The following PTGER3 variants were observed in gnomAD, a reference collection of about 807,000 sequenced individuals.
PTGER3 encodes prostaglandin E receptor 3, also known as prostaglandin E2 receptor EP3 subtype.
Under a neutral mutation model 34.7 loss-of-function variants are expected in PTGER3, and 22 were observed. The ratio of observed to expected loss-of-function variants is 0.63; its 90% CI spans 0.45 to 0.91. The LOEUF (loss-of-function observed/expected upper bound fraction) is 0.91, where lower values mean the gene tolerates loss of function less well. Among genes scored for constraint, PTGER3 ranks in the 40% least tolerant of loss-of-function variants. PTGER3 has a pLI of 0.00. For missense variants in PTGER3, 468 were observed against 519.4 expected, an observed-to-expected ratio of 0.90 and a Z score of 0.96; for synonymous variants, 241 against 230.1, an observed-to-expected ratio of 1.05 and a Z score of -0.43.
rs186491484 is a variant in PTGER3, at chr1:70,972,819, G to T, written c.1170-1086C>A. On this transcript the variant is annotated intron_variant, in intron 3 of 3. Transcript: ENST00000306666. ...GTATGTAAAACAAAATTAAAAAACTGCAGGAAAAAAAGAATAGAAAAACAT... is the reference window on the plus strand; with the variant it reads ...GTATGTAAAACAAAATTAAAAAACTTCAGGAAAAAAAGAATAGAAAAACAT... 2.6e-4 allele frequency among the ~76,000 whole-genome samples: 40 copies of T among 151,928 alleles called. 1 individual carries two copies. In the East Asian group the frequency reaches 7.3e-3, roughly 28 times the overall value.
chr1:71,015,260 C>T (rs1176725641), intron 1 of PTGER3, among the ~76,000 whole-genome samples: 1 of 152,048 alleles, frequency 6.6e-6, no homozygotes, highest in Non-Finnish European at 1.5e-5. Flanking sequence ...GACAGATAGA[C>T]AATACTAGCA....
rs1431440623 is a variant in PTGER3, at chr1:70,901,420, A to C, written c.*24-48561T>G. ...GTTGGTAAAAAGAGAGATTATGTCC[A>C]TTAACATACTACCACGAAATTAAGT... On this transcript the variant is annotated intron_variant, in intron 4 of 4. Transcript: ENST00000370931. Among the ~76,000 whole-genome samples, 2 of 152,212 alleles carry C rather than the reference A, an allele frequency of 1.3e-5. 1 individual carries two copies. The highest frequency in any genetic ancestry group is 2.9e-5 in the Non-Finnish European group (2 of 68,038).
chr1:70,957,347 A>C (rs1367994073), intron 2 of PTGER3, among the ~76,000 whole-genome samples: 2 of 152,322 alleles, frequency 1.3e-5, no homozygotes, highest in East Asian at 1.9e-4. Context: ...AACTGCAGGC[A>C]TTCCTACAAC....
intron 4 of PTGER3, among the ~76,000 whole-genome samples, chr1:70,913,087 T>A (rs1199105475): frequency 1.6e-4 from 25 of 152,114 alleles, no homozygotes; most frequent in Non-Finnish European, 7.4e-5. Flanking sequence ...TGAGAGGATT[T>A]CCATCTTAGC....
chr1:71,022,283 G>A (rs1177821775), intron 1 of PTGER3, among the ~76,000 whole-genome samples: 1 of 151,360 alleles, frequency 6.6e-6, no homozygotes, highest in East Asian at 1.9e-4. Flanking sequence ...AGGTCAATGT[G>A]TGCATAATTT....
At chr1:71,039,056 G>A (rs574296967) in intron 1 of PTGER3, among the ~76,000 whole-genome samples, 1 of 152,220 alleles carries the variant, frequency 6.6e-6, no homozygotes, top group Admixed American at 6.5e-5. Context: ...GGCTGTGGGT[G>A]CTAGCAAGAC....
At chr1:70,965,140 G>C (rs1357153372) in intron 2 of PTGER3, among the ~76,000 whole-genome samples, 2 of 152,168 alleles carry the variant, frequency 1.3e-5, no homozygotes, top group Non-Finnish European at 2.9e-5. Context: ...GGTAGGCATT[G>C]CTGTAAATCC....
chr1:70,871,295 C>T (rs1050965147), intron 4 of PTGER3, among the ~76,000 whole-genome samples: 1 of 152,048 alleles, frequency 6.6e-6, no homozygotes, highest in African/African-American at 2.4e-5. Flanking sequence ...TCGCAGCAAC[C>T]AGATCTCATG....
chr1:70,985,537 G>T (rs1654835761), intron 2 of PTGER3, among the ~76,000 whole-genome samples: 1 of 152,134 alleles, frequency 6.6e-6, no homozygotes, highest in African/African-American at 2.4e-5. Context: ...AGGACTACAG[G>T]AGGGCAGTCA....
chr1:70,978,573 T>C (rs1653934482), intron 2 of PTGER3, among the ~76,000 whole-genome samples: 1 of 152,134 alleles, frequency 6.6e-6, no homozygotes, highest in African/African-American at 2.4e-5. Context: ...GATAATAATA[T>C]GTATAATGCA....
rs1438690832 is a variant in PTGER3 at position 70,989,797 on chromosome 1, T to C, written c.1078-15409A>G. Among the ~76,000 whole-genome samples the C allele has an allele frequency of 6.1e-4, 93 of 152,216 alleles. 1 individual carries two copies. The highest frequency in any genetic ancestry group is 1.2e-4 in the Non-Finnish European group (8 of 68,018). On this transcript the variant is annotated intron_variant, in intron 2 of 3. Coordinates refer to ENST00000306666, the MANE Select transcript of PTGER3 (RefSeq NM_198719.2). ...CATTTACTTTGATAGTATTGGCCAG[T>C]TATCAATGGTAGTAAAAATGCCCCT...
chr1:70,875,909 T>A (rs906001999), intron 4 of PTGER3, among the ~76,000 whole-genome samples: 2 of 152,186 alleles, frequency 1.3e-5, no homozygotes, highest in Non-Finnish European at 1.5e-5. Context: ...TACGCACCCA[T>A]GAGTCTTTAT....
downstream of PTGER3, among the ~76,000 whole-genome samples, chr1:70,966,869 T>C (rs2100655605): frequency 6.6e-6 from 1 of 152,278 alleles, no homozygotes; most frequent in Non-Finnish European, 1.5e-5. Flanking sequence ...TTTGTGTTGG[T>C]TCCATGTCTT....
intron 2 of PTGER3, chr1:71,007,778 C>T (rs1006491570): frequency 6.0e-5 from 59 of 985,084 alleles, no homozygotes; most frequent in Admixed American, 6.2e-5. Context: ...CTGTTTTTGC[C>T]TAGACGTTTG....
At chr1:70,886,306 C>A (rs1288980854) in intron 4 of PTGER3, 1 of 451,222 alleles carries the variant, frequency 2.2e-6, no homozygotes, top group South Asian at 1.6e-5. Flanking sequence ...GCACCCTGAT[C>A]CTGAACTTGC....
chr1:70,906,142 C>T (rs866970499), intron 4 of PTGER3, among the ~76,000 whole-genome samples: 10 of 152,104 alleles, frequency 6.6e-5, no homozygotes, highest in Admixed American at 3.9e-4. Flanking sequence ...CTGAGGCCTC[C>T]GCAGCCATGT....
chr1:70,887,622 T>C (rs1158661645), intron 4 of PTGER3, among the ~76,000 whole-genome samples: 1 of 139,244 alleles, frequency 7.2e-6, no homozygotes, highest in Admixed American at 7.2e-5. Context: ...CTATATATAC[T>C]TATTTTTCAA....
intron 4 of PTGER3, among the ~76,000 whole-genome samples, chr1:70,935,971 G>T (rs1424972417): frequency 6.6e-6 from 1 of 152,064 alleles, no homozygotes; most frequent in African/African-American, 2.4e-5. Flanking sequence ...GCATGGTTAG[G>T]ACTAACGCTG....
chr1:70,887,464 T>G (rs907557711), intron 4 of PTGER3, among the ~76,000 whole-genome samples: 1 of 152,218 alleles, frequency 6.6e-6, no homozygotes. Flanking sequence ...GTAACATTCC[T>G]GCCTCCCCCA....
Sources: allele counts gnomAD v4.1 joint callset (sites outside exome capture counted in the v4.1 genomes callset), GRCh38; gene constraint gnomAD v4.1.1; transcripts MANE v1.5; gene names NCBI Gene and HGNC (gene_info 2026-07-23, HGNC 2026-07-21).